The following MRPS9 variants were observed in gnomAD, a reference collection of about 807,000 sequenced individuals.
The protein encoded by MRPS9 is mitochondrial ribosomal protein S9, also known as small ribosomal subunit protein uS9m.
Under a neutral mutation model 59.9 loss-of-function variants are expected in MRPS9, and 45 were observed. That is an observed-to-expected ratio of 0.75 (90% CI 0.59 to 0.96). MRPS9 has a LOEUF of 0.96. Among genes scored for constraint, MRPS9 ranks in the 40% least tolerant of loss-of-function variants. The pLI is 0.00. For missense variants in MRPS9, 473 were observed against 481.1 expected (o/e 0.98, Z 0.16); for synonymous variants, 171 against 166.8 (o/e 1.03, Z -0.19).
chr2:105,072,338 A>C (rs542415444), intron 4 of MRPS9, among the ~76,000 whole-genome samples: 82 of 152,116 alleles, frequency 5.4e-4, no homozygotes, highest in African/African-American at 1.9e-3. Context: ...TACACTTCCT[A>C]AGAAATCTGA....
intron 4 of MRPS9, among the ~76,000 whole-genome samples, chr2:105,077,404 G>T (rs562565346): frequency 5.3e-5 from 8 of 152,292 alleles, no homozygotes; most frequent in African/African-American, 1.9e-4. Context: ...CTCATGCTGT[G>T]GAATAATATA....
Position 105,097,228 on chromosome 2 carries a change from G to T in MRPS9, c.1003G>T (p.Gly335Cys). The T allele has an allele frequency of 6.2e-7, 1 of 1,613,086 alleles. No homozygotes were observed. Among genetic ancestry groups the T allele is most frequent in the South Asian group, 1.1e-5 (1 of 90,908 alleles). Residue 335 changes from glycine to cysteine, a missense_variant, in exon 10 of 11, where the codon GGC becomes TGC. By Grantham distance (159) the Gly-to-Cys change is radical. Coordinates refer to ENST00000258455, the MANE Select transcript of MRPS9 (RefSeq NM_182640.3). The part of the protein sequence containing the change: ...KHDVTCTVSG[G>C]GRSAQAGAIR... ...CGACGTGACCTGCACAGTCTCAGGG[G>T]GCGGGAGGTCAGCGCAGGCTGGAGC... is the stretch of plus-strand genomic sequence containing the variant.
intron 4 of MRPS9, among the ~76,000 whole-genome samples, chr2:105,071,869 T>A (rs1680122152): frequency 6.6e-6 from 1 of 152,198 alleles, no homozygotes; most frequent in Non-Finnish European, 1.5e-5. Flanking sequence ...TCTTTTCTGT[T>A]CTTTCAATAC....
At chr2:105,093,485 C>A (rs372017164) in intron 8 of MRPS9, 45 bp from the exon 9 acceptor site, 1 of 1,154,230 alleles carries the variant, frequency 8.7e-7, no homozygotes, top group Non-Finnish European at 1.3e-6. Context: ...TCTCAAAGCG[C>A]AGGTCTTCAA....
intron 4 of MRPS9, among the ~76,000 whole-genome samples, chr2:105,077,068 G>A (rs926881190): frequency 6.6e-6 from 1 of 152,180 alleles, no homozygotes; most frequent in South Asian, 2.1e-4. Context: ...CCAACATGGG[G>A]AAACCCCATC....
rs547564541 is a variant in MRPS9, at chr2:105,043,913, G to A, written c.136-5258G>A. ...TTCCGGAAGTGCTGGGATTACAGGC[G>A]TGAGTCACCACGCCCGGCTGCAATT... On this transcript the variant is annotated intron_variant, in intron 1 of 10. Transcript: ENST00000258455. 1.4e-4 allele frequency among the ~76,000 whole-genome samples: 20 copies of A among 147,656 alleles called. No individual in the cohort carries two copies. The South Asian group carries it at 3.3e-3, about 24-fold the overall frequency.
chr2:105,041,733 G>A lies in MRPS9; in HGVS notation c.135+3506G>A, dbSNP rs534267854. 3.9e-4 allele frequency among the ~76,000 whole-genome samples: 59 copies of A among 152,136 alleles called. No homozygotes were observed. The Middle Eastern group carries it at 0.01, about 26-fold the overall frequency. On this transcript the variant is annotated intron_variant, in intron 1 of 10. Transcript: ENST00000258455. ...CTGTAAATTAGTTATGCCCTACCCC[G>A]ATAATTTTTGAATATATTTATTTTT...
intron 7 of MRPS9, among the ~76,000 whole-genome samples, chr2:105,090,393 GT>G (rs1680535879): frequency 6.6e-6 from 1 of 152,222 alleles, no homozygotes; most frequent in Admixed American, 6.5e-5. Context: ...GCAGCACATG[GT>G]TACCTTCATG....
At chr2:105,079,749 A>T (rs79947932) in intron 4 of MRPS9, among the ~76,000 whole-genome samples, 30,230 of 152,128 alleles carry the variant, frequency 0.2, 3,135 homozygotes, top group Middle Eastern at 0.35. Context: ...AATATTTAGT[A>T]ATTTTTAAAT....
intron 4 of MRPS9, among the ~76,000 whole-genome samples, chr2:105,077,260 G>T (rs1012940861): frequency 7.0e-5 from 9 of 128,820 alleles, no homozygotes; most frequent in African/African-American, 2.3e-4. Context: ...AAAAAAAGAA[G>T]AAGAAAAGAA....
chr2:105,072,347 G>A (rs911622333), intron 4 of MRPS9, among the ~76,000 whole-genome samples: 1 of 151,732 alleles, frequency 6.6e-6, no homozygotes, highest in Non-Finnish European at 1.5e-5. Flanking sequence ...TAAGAAATCT[G>A]AGTGCAGAAT....
chr2:105,079,263 T>G (rs1680279197), intron 4 of MRPS9, among the ~76,000 whole-genome samples: 1 of 152,038 alleles, frequency 6.6e-6, no homozygotes, highest in Non-Finnish European at 1.5e-5. Context: ...TATAATCTGC[T>G]TCAGAGAAAC....
chr2:105,051,757 T>C (rs886109251), intron 2 of MRPS9, among the ~76,000 whole-genome samples: 4 of 152,026 alleles, frequency 2.6e-5, no homozygotes, highest in Non-Finnish European at 5.9e-5. Context: ...TTGGCACTTT[T>C]TTGTTAAATT....
chr2:105,071,405 T>C (rs766639545), intron 3 of MRPS9, 30 bp downstream of exon 3: 1 of 1,592,188 alleles, frequency 6.3e-7, no homozygotes, highest in South Asian at 1.1e-5. Flanking sequence ...TTTTAAAAAT[T>C]TCACTTTTAT....
intron 1 of MRPS9, among the ~76,000 whole-genome samples, chr2:105,048,068 A>G (rs2104440310): frequency 6.6e-6 from 1 of 152,132 alleles, no homozygotes; most frequent in African/African-American, 2.4e-5. Context: ...TTATTGCGGC[A>G]CTATTCACAA....
chr2:105,054,544 C>T (rs981714154), intron 2 of MRPS9, among the ~76,000 whole-genome samples: 2 of 152,248 alleles, frequency 1.3e-5, no homozygotes, highest in South Asian at 2.1e-4. Flanking sequence ...TGATCGGCTT[C>T]GCTGACTCTT....
intron 4 of MRPS9, among the ~76,000 whole-genome samples, chr2:105,078,941 G>T (rs542385569): frequency 6.6e-6 from 1 of 152,126 alleles, no homozygotes; most frequent in Non-Finnish European, 1.5e-5. Context: ...GTTCACGGGG[G>T]TGGGGAAACC....
At chr2:105,082,046 A>C (rs1680356688) in intron 5 of MRPS9, among the ~76,000 whole-genome samples, 1 of 152,140 alleles carries the variant, frequency 6.6e-6, no homozygotes, top group Non-Finnish European at 1.5e-5. Context: ...CAGCTATAAC[A>C]CTTGGAGCCA....
chr2:105,080,131 T>A, intron 5 of MRPS9, 69 bp downstream of exon 5: 1 of 1,100,508 alleles, frequency 9.1e-7, no homozygotes, highest in Non-Finnish European at 1.3e-6. Context: ...CTGGATACTG[T>A]TCGCAGCTTC....
Sources: gnomAD v4.1 joint callset for allele counts (sites outside exome capture counted in the v4.1 genomes callset) on GRCh38, gnomAD v4.1.1 for gene constraint, MANE v1.5 for transcripts, NCBI Gene and HGNC (gene_info 2026-07-23, HGNC 2026-07-21) for gene names.